The following VMP1 variants were observed in gnomAD, a reference collection of about 807,000 sequenced individuals.
The protein encoded by VMP1 is ectopic P-granules autophagy protein 3 homolog.
In VMP1, 11 loss-of-function variants were observed where a neutral mutation model predicts 56.0. The ratio of observed to expected loss-of-function variants is 0.20; its 90% CI spans 0.12 to 0.32. The LOEUF is 0.32. Ranked by LOEUF, VMP1 falls within the 10% of genes least tolerant of loss-of-function variation. The pLI, the probability that VMP1 is intolerant of heterozygous loss-of-function variation, is 1.00. For synonymous variants in VMP1, 149 were observed against 165.0 expected (o/e 0.90, Z 0.74); for missense variants, 296 against 490.3 (o/e 0.60, Z 3.74).
intron 1 of VMP1, among the ~76,000 whole-genome samples, chr17:59,719,855 C>T (rs541456205): frequency 5.3e-5 from 8 of 152,304 alleles, no homozygotes; most frequent in African/African-American, 1.9e-4. Flanking sequence ...AAAAACCCCA[C>T]ATTTAATGTT....
intron 10 of VMP1, among the ~76,000 whole-genome samples, chr17:59,828,614 G>C (rs546391026): frequency 6.6e-5 from 10 of 152,312 alleles, no homozygotes; most frequent in African/African-American, 2.4e-4. Flanking sequence ...GAAGGTGCCA[G>C]GGACTGTCAG....
chr17:59,804,085 A>G (rs555501601), intron 7 of VMP1, among the ~76,000 whole-genome samples: 6 of 152,172 alleles, frequency 3.9e-5, no homozygotes, highest in African/African-American at 1.2e-4. Context: ...TTCATAAACA[A>G]TATTATTCTA....
At position 59,738,992 on chromosome 17, in the gene VMP1, C is replaced by G. The variant is rs372176162; in HGVS notation, c.414+45C>G. 72 of 1,431,042 alleles carry G rather than the reference C, an allele frequency of 5.0e-5. No homozygotes were observed. In the Middle Eastern group the frequency reaches 9.1e-4, roughly 18 times the overall value. The allele number at this position is 1,431,042 out of a possible 1,614,324, so 88.6% of individuals were successfully genotyped here. The stretch of plus-strand genomic sequence containing the variant: ...AATAAGCAAAAATGATATTTCCTAT[C>G]TTTTTATTGGTGCTTTTATGTCAGA... On this transcript the variant is annotated intron_variant, in intron 5 of 11. Transcript: ENST00000262291.
At chr17:59,828,737 A>G (rs1174759314) in intron 10 of VMP1, among the ~76,000 whole-genome samples, 1 of 152,208 alleles carries the variant, frequency 6.6e-6, no homozygotes, top group Non-Finnish European at 1.5e-5. Flanking sequence ...GTAAAGAAAC[A>G]TGATTAGGGG....
intron 3 of VMP1, among the ~76,000 whole-genome samples, chr17:59,736,620 T>G (rs766143591): frequency 8.6e-5 from 13 of 151,468 alleles, no homozygotes; most frequent in Non-Finnish European, 1.9e-4. Flanking sequence ...GGCGTGCGCC[T>G]GTAGTCCTAG....
chr17:59,712,640 G>A (rs967644434), intron 1 of VMP1, among the ~76,000 whole-genome samples: 4 of 152,166 alleles, frequency 2.6e-5, no homozygotes, highest in African/African-American at 9.7e-5. Context: ...AGTTAACAAT[G>A]TGGATATATG....
intron 9 of VMP1, among the ~76,000 whole-genome samples, chr17:59,812,362 G>A (rs964367328): frequency 6.6e-6 from 1 of 152,156 alleles, no homozygotes; most frequent in Non-Finnish European, 1.5e-5. Context: ...TGTGGTCAGA[G>A]AAGTGAGAAT....
At chr17:59,803,940 A>G (rs1253997149) in intron 7 of VMP1, among the ~76,000 whole-genome samples, 1 of 128,518 alleles carries the variant, frequency 7.8e-6, no homozygotes, top group Non-Finnish European at 1.8e-5. Flanking sequence ...TTTTAATTTT[A>G]TAAAAGGGAT....
chr17:59,814,741 CA>C (rs1377412741), intron 9 of VMP1, among the ~76,000 whole-genome samples: 1 of 151,602 alleles, frequency 6.6e-6, no homozygotes, highest in African/African-American at 2.4e-5. Context: ...TATGTGGAAG[CA>C]AAAAAGAAAA....
chr17:59,802,908 G>A (rs951201453), intron 7 of VMP1, among the ~76,000 whole-genome samples: 7 of 119,778 alleles, frequency 5.8e-5, no homozygotes, highest in Non-Finnish European at 1.0e-4. Flanking sequence ...CACCATGCCC[G>A]GCTAATTTTG....
At chr17:59,824,872 CAAAAAAAAAAAAA>C (rs1204824277) in intron 10 of VMP1, among the ~76,000 whole-genome samples, 3 of 62,998 alleles carry the variant, frequency 4.8e-5, no homozygotes, top group African/African-American at 1.3e-4. Context: ...GACTCCGTCT[CAAAAAAAAAAAAA>C]AAAAAAAAAT....
At chr17:59,759,129 G>A (rs1204164412) in intron 5 of VMP1, among the ~76,000 whole-genome samples, 3 of 152,044 alleles carry the variant, frequency 2.0e-5, no homozygotes, top group South Asian at 2.1e-4. Flanking sequence ...GGTATCTTGC[G>A]CCAGCAGTCC....
At chr17:59,804,387 G>C (rs2037775649) in intron 7 of VMP1, among the ~76,000 whole-genome samples, 1 of 152,064 alleles carries the variant, frequency 6.6e-6, no homozygotes, top group African/African-American at 2.4e-5. Context: ...GCTGAGGCGG[G>C]TGGATCGCCT....
At chr17:59,769,012 T>G (rs1444419377) in intron 6 of VMP1, among the ~76,000 whole-genome samples, 3 of 151,406 alleles carry the variant, frequency 2.0e-5, no homozygotes, top group Non-Finnish European at 2.9e-5. Flanking sequence ...TCCCAGCTAC[T>G]CAGGACGCTG....
intron 5 of VMP1, among the ~76,000 whole-genome samples, chr17:59,742,118 C>A (rs1215966386): frequency 6.6e-6 from 1 of 152,130 alleles, no homozygotes; most frequent in Non-Finnish European, 1.5e-5. Flanking sequence ...ATGAGATCCT[C>A]ACTTTATCCA....
At chr17:59,770,696 T>G (rs2036392525) in intron 6 of VMP1, among the ~76,000 whole-genome samples, 1 of 151,850 alleles carries the variant, frequency 6.6e-6, no homozygotes, top group African/African-American at 2.4e-5. Flanking sequence ...TTCTCCTGCC[T>G]CAGCCTCCCG....
chr17:59,832,100 A>G (rs1476953276), intron 10 of VMP1, among the ~76,000 whole-genome samples: 1 of 151,956 alleles, frequency 6.6e-6, no homozygotes, highest in Non-Finnish European at 1.5e-5. Flanking sequence ...CAGGAATAAA[A>G]ATATGAAGAT....
At chr17:59,803,596 T>A (rs1014376055) in intron 7 of VMP1, among the ~76,000 whole-genome samples, 1 of 152,182 alleles carries the variant, frequency 6.6e-6, no homozygotes, top group Non-Finnish European at 1.5e-5. Flanking sequence ...AGTTGTGAAA[T>A]AGGTAAAAGT....
At chr17:59,718,758 C>G (rs1223634129) in intron 1 of VMP1, among the ~76,000 whole-genome samples, 2 of 151,960 alleles carry the variant, frequency 1.3e-5, no homozygotes, top group Non-Finnish European at 2.9e-5. Flanking sequence ...TCTGGACCTC[C>G]TGGCCTCAAA....
Sources: gnomAD v4.1 joint callset for allele counts (sites outside exome capture counted in the v4.1 genomes callset) on GRCh38, gnomAD v4.1.1 for gene constraint, MANE v1.5 for transcripts, NCBI Gene and HGNC (gene_info 2026-07-23, HGNC 2026-07-21) for gene names.